The following PHEX variants were observed in gnomAD, a reference collection of about 807,000 sequenced individuals.
The protein encoded by PHEX is phosphate-regulating neutral endopeptidase PHEX.
A neutral mutation model predicts 68.0 loss-of-function variants in PHEX; 16 were observed. That is an observed-to-expected ratio of 0.24 (90% CI 0.16 to 0.36). PHEX has a LOEUF of 0.36. Ranked by LOEUF, PHEX falls within the 10% of genes least tolerant of loss-of-function variation. The pLI, the probability that PHEX is intolerant of heterozygous loss-of-function variation, is 1.00. For synonymous variants in PHEX, 208 were observed against 205.1 expected, an observed-to-expected ratio of 1.01 and a Z score of -0.12; for missense variants, 480 against 575.5, an observed-to-expected ratio of 0.83 and a Z score of 1.70.
chrX:22,079,440 T>C (rs1390847330), intron 5 of PHEX, among the ~76,000 whole-genome samples: 1 of 111,975 alleles, frequency 8.9e-6, no homozygotes, highest in African/African-American at 3.2e-5. Context: ...GCTAGAACAT[T>C]TTATAGCAAA....
intron 15 of PHEX, among the ~76,000 whole-genome samples, chrX:22,199,560 C>A (rs1283088330): frequency 9.0e-6 from 1 of 111,713 alleles, no homozygotes; most frequent in Admixed American, 9.5e-5. Context: ...CGTGAATCAT[C>A]TCTTTGTCCA....
At position 22,077,713 on chromosome X, in the gene PHEX, G is replaced by A. The variant is rs1215032673; in HGVS notation, c.663+11G>A. 1.7e-6 allele frequency: 2 copies of A among 1,154,675 alleles called. No individual in the cohort carries two copies. The highest frequency in any genetic ancestry group is 3.0e-5 in the East Asian group (1 of 33,622). Reference sequence around the variant, plus strand: ...GAACATATCTTGAAGGTATAATGAGGACCCATTCATCTTCTTTGCTCAGTC... The same window carrying A: ...GAACATATCTTGAAGGTATAATGAGAACCCATTCATCTTCTTTGCTCAGTC... On this transcript the variant is annotated intron_variant, in intron 5 of 21. Transcript: ENST00000379374.
intron 11 of PHEX, among the ~76,000 whole-genome samples, chrX:22,119,925 A>G (rs978174323): frequency 9.0e-6 from 1 of 110,774 alleles, no homozygotes; most frequent in East Asian, 2.8e-4. Flanking sequence ...TATTGCTTAT[A>G]TCTGTAATGT....
At chrX:22,115,309 C>T (rs1008450640) in intron 11 of PHEX, among the ~76,000 whole-genome samples, 4 of 112,099 alleles carry the variant, frequency 3.6e-5, no homozygotes, top group Admixed American at 9.4e-5. Context: ...TCAGCCAAGG[C>T]GACAGAGCGA....
intron 13 of PHEX, among the ~76,000 whole-genome samples, chrX:22,173,499 T>C (rs971311526): frequency 5.4e-5 from 6 of 110,922 alleles, no homozygotes; most frequent in African/African-American, 2.0e-4. Context: ...CCTCAGTATA[T>C]ATTAGGTTGG....
intron 3 of PHEX, among the ~76,000 whole-genome samples, chrX:22,062,292 A>G (rs986155738): frequency 2.7e-5 from 3 of 111,489 alleles, no homozygotes; most frequent in Non-Finnish European, 5.6e-5. Flanking sequence ...ACCTATAAAG[A>G]TACCTTCCAG....
chrX:22,111,389 T>C lies in PHEX; in HGVS notation c.1080-78T>C, dbSNP rs761147203. 8.7e-6 allele frequency: 7 copies of C among 807,378 alleles called. No homozygotes were observed. In the East Asian group the frequency reaches 1.9e-4, roughly 22 times the overall value. The allele number at this position is 807,378 out of a possible 1,213,427, so 66.5% of individuals were successfully genotyped here. A position where few individuals can be genotyped will look rare whatever the true frequency, so the allele number is the denominator to read the frequency against. ...GGTCCCTCGATGGAGCTTTGCCAAC[T>C]GTTTCTCTCAAGATGTTCTGCAGAG... is the stretch of plus-strand genomic sequence containing the variant. On this transcript the variant is annotated intron_variant, in intron 9 of 21. Coordinates refer to ENST00000379374, the MANE Select transcript of PHEX (RefSeq NM_000444.6).
rs964255581 is a variant in PHEX, at chrX:22,116,027, T to A, written c.1302+1441T>A. On this transcript the variant is annotated intron_variant, in intron 11 of 21. Transcript: ENST00000379374. ...TCCTATTTTTATTTTTTTGAAGATT[T>A]TCCATGCTATTTTCCATAATGGCTG... 1.2e-4 allele frequency among the ~76,000 whole-genome samples: 13 copies of A among 112,308 alleles called. No homozygotes were observed. The Admixed American group carries it at 1.2e-3, about 11-fold the overall frequency.
intron 20 of PHEX, among the ~76,000 whole-genome samples, chrX:22,239,110 C>A (rs999489651): frequency 8.9e-6 from 1 of 111,927 alleles, no homozygotes; most frequent in African/African-American, 3.3e-5. Flanking sequence ...GGACCTCCAG[C>A]AAACTCCAGC....
At chrX:22,156,186 G>C (rs1195661305) in intron 12 of PHEX, among the ~76,000 whole-genome samples, 1 of 111,093 alleles carries the variant, frequency 9.0e-6, no homozygotes, top group Admixed American at 9.7e-5. Flanking sequence ...TCTTAAGAAG[G>C]GGTAGGGTTA....
At chrX:22,047,246 T>C (rs781141282) in intron 3 of PHEX, 35 bp downstream of exon 3, 1 of 1,097,904 alleles carries the variant, frequency 9.1e-7, no homozygotes, top group Non-Finnish European at 1.3e-6. Flanking sequence ...ATACACTTTA[T>C]AGAGAGCAAT....
chrX:22,199,255 A>T (rs1251139565), intron 15 of PHEX, among the ~76,000 whole-genome samples: 1 of 111,368 alleles, frequency 9.0e-6, no homozygotes, highest in African/African-American at 3.3e-5. Flanking sequence ...GCTCAAGAGA[A>T]GGACGGGGAG....
intron 21 of PHEX, among the ~76,000 whole-genome samples, chrX:22,247,234 A>G (rs1855191772): frequency 8.9e-6 from 1 of 112,577 alleles, no homozygotes; most frequent in South Asian, 3.7e-4. Context: ...TGTTTTGCAG[A>G]TTGAATGAAT....
chrX:22,049,593 TG>T, intron 3 of PHEX, among the ~76,000 whole-genome samples: 1 of 110,734 alleles, frequency 9.0e-6, no homozygotes, highest in South Asian at 3.9e-4. Context: ...TTATTTCAGC[TG>T]GGTACGGTGG....
At chrX:22,045,269 A>G (rs950667851) in intron 2 of PHEX, among the ~76,000 whole-genome samples, 8 of 111,724 alleles carry the variant, frequency 7.2e-5, no homozygotes, top group Non-Finnish European at 1.5e-4. Context: ...TTTTTGGGGC[A>G]GTTCATTCAT....
intron 1 of PHEX, among the ~76,000 whole-genome samples, chrX:22,033,392 T>C (rs1926886879): frequency 1.3e-5 from 1 of 76,000 alleles, no homozygotes; most frequent in Non-Finnish European, 2.6e-5. Flanking sequence ...TTCTGTTGCA[T>C]TGGGTGGAAA....
At chrX:22,232,307 T>C (rs1354501433) in intron 20 of PHEX, among the ~76,000 whole-genome samples, 2 of 111,097 alleles carry the variant, frequency 1.8e-5, no homozygotes, top group African/African-American at 6.6e-5. Context: ...AGAGCTGAGT[T>C]CAAGTTCTGG....
intron 10 of PHEX, among the ~76,000 whole-genome samples, chrX:22,113,005 T>TTGTGTGTGTGTGTGTG (rs560422828): frequency 1.4e-4 from 12 of 88,688 alleles, no homozygotes; most frequent in East Asian, 7.7e-4. Context: ...CAAGTAGGTT[T>TTGTGTGTGTGTGTGTG]TGTGTGTGTG....
chrX:22,129,637 T>C (rs1187874071), intron 11 of PHEX, among the ~76,000 whole-genome samples: 1 of 111,467 alleles, frequency 9.0e-6, no homozygotes, highest in Non-Finnish European at 1.9e-5. Context: ...AGTCTCTGGA[T>C]CCCATCACCT....
Sources: allele counts gnomAD v4.1 joint callset (sites outside exome capture counted in the v4.1 genomes callset), GRCh38; gene constraint gnomAD v4.1.1; transcripts MANE v1.5; gene names NCBI Gene and HGNC (gene_info 2026-07-23, HGNC 2026-07-21).